SETD5: variants seen among roughly 807,000 people sequenced by gnomAD.
SETD5 encodes histone-lysine N-methyltransferase SETD5.
SETD5 carries 44 observed loss-of-function variants against 153.3 expected under a neutral mutation model. The ratio of observed to expected loss-of-function variants is 0.29; its 90% CI spans 0.23 to 0.37. The LOEUF (loss-of-function observed/expected upper bound fraction) is 0.37, where lower values mean the gene tolerates loss of function less well. Among genes scored for constraint, SETD5 ranks in the 10% least tolerant of loss-of-function variants. SETD5 has a pLI of 1.00. For missense variants in SETD5, 1,544 were observed against 1,768.0 expected (o/e 0.87, Z 2.27); for synonymous variants, 716 against 645.2 (o/e 1.11, Z -1.66).
chr3:9,475,187 T>A (rs1243876436), intron 22 of SETD5, 31 bp downstream of exon 22: 2 of 1,549,514 alleles, frequency 1.3e-6, no homozygotes, highest in Admixed American at 3.9e-5. Flanking sequence ...TCTCTAGCCA[T>A]AGGAGTGTGT....
rs191554155 is a variant in SETD5, at chr3:9,468,377, T to C, written c.2725-2082T>C. 70 of 450,448 alleles carry C rather than the reference T, an allele frequency of 1.6e-4. 1 individual carries two copies. In the Middle Eastern group the frequency reaches 2.2e-3, roughly 14 times the overall value. The allele number at this position is 450,448 out of a possible 1,614,324, so 27.9% of individuals were successfully genotyped here. ...TTGAGATGAGTTCTGCAGTTAAATA[T>C]TTCCCCTATGCATTCTTATTCAACT... On this transcript the variant is annotated intron_variant, in intron 18 of 22. Coordinates refer to ENST00000402198, the MANE Select transcript of SETD5 (RefSeq NM_001080517.3).
intron 1 of SETD5, among the ~76,000 whole-genome samples, chr3:9,416,273 G>A (rs578044427): frequency 2.6e-5 from 4 of 152,220 alleles, no homozygotes; most frequent in African/African-American, 4.8e-5. Context: ...AATGTGAGCC[G>A]TCACTTTTGT....
intron 17 of SETD5, among the ~76,000 whole-genome samples, chr3:9,458,529 G>T (rs1388192355): frequency 6.6e-6 from 1 of 152,126 alleles, no homozygotes; most frequent in Non-Finnish European, 1.5e-5. Flanking sequence ...AGGATGACTT[G>T]AGCCCAAGAA....
At chr3:9,453,539 AT>A (rs1399511072) in intron 16 of SETD5, among the ~76,000 whole-genome samples, 199 bp from the exon 17 acceptor site, 1 of 152,178 alleles carries the variant, frequency 6.6e-6, no homozygotes, top group Non-Finnish European at 1.5e-5. Context: ...TGTAATCCAG[AT>A]TTCCTCAAGT....
At chr3:9,439,674 T>C (rs1039040699) in intron 7 of SETD5, among the ~76,000 whole-genome samples, 2 of 152,224 alleles carry the variant, frequency 1.3e-5, no homozygotes, top group South Asian at 4.1e-4. Context: ...TCCTGAGTTG[T>C]AGTAATCTTT....
At chr3:9,419,403 T>A (rs1001298984) in intron 1 of SETD5, among the ~76,000 whole-genome samples, 2 of 152,012 alleles carry the variant, frequency 1.3e-5, no homozygotes, top group Non-Finnish European at 2.9e-5. Context: ...CACCAATTGG[T>A]ACTTAATAAA....
intron 17 of SETD5, among the ~76,000 whole-genome samples, chr3:9,456,521 A>G (rs764352815): frequency 1.3e-5 from 2 of 151,970 alleles, no homozygotes; most frequent in Non-Finnish European, 2.9e-5. Flanking sequence ...CTCATTTGTA[A>G]AATGGGAATA....
At chr3:9,443,013 C>T (rs1398753158) in intron 10 of SETD5, 3 of 255,460 alleles carry the variant, frequency 1.2e-5, no homozygotes, top group Non-Finnish European at 2.4e-5. Flanking sequence ...CCACTCCAGC[C>T]TGAGCGACAG....
At position 9,433,860 on chromosome 3, in the gene SETD5, G is replaced by A; in HGVS notation, c.87G>A (p.Glu29=). The change falls in exon 4 of 23, where the codon GAG becomes GAA. Residue 29 remains glutamate, a synonymous_variant. Coordinates refer to ENST00000402198, the MANE Select transcript of SETD5 (RefSeq NM_001080517.3). ...CTTTGTGCAGCCCTGAATCTGTGGA[G>A]GCTAGTCCAGCAGTTAATGAGAAGA... ...MAAGSDPESV[E]ASPAVNEKSV... The A allele has an allele frequency of 1.2e-6, 2 of 1,613,844 alleles. No individual in the cohort carries two copies. The highest frequency in any genetic ancestry group is 1.7e-6 in the Non-Finnish European group (2 of 1,179,808).
intron 11 of SETD5, among the ~76,000 whole-genome samples, chr3:9,443,834 G>C (rs1426676888): frequency 2.6e-5 from 4 of 152,184 alleles, no homozygotes; most frequent in Non-Finnish European, 5.9e-5. Context: ...GGAAGGCTGA[G>C]GCGGGCGGAT....
chr3:9,425,007 A>G (rs1355513198), intron 2 of SETD5, among the ~76,000 whole-genome samples: 1 of 151,316 alleles, frequency 6.6e-6, no homozygotes, highest in Non-Finnish European at 1.5e-5. Context: ...CACAAGGAAA[A>G]TGGAATAATT....
chr3:9,454,220 T>G (rs1359781474), intron 17 of SETD5: 1 of 155,290 alleles, frequency 6.4e-6, no homozygotes, highest in African/African-American at 2.4e-5. Context: ...TCTGAGTGAT[T>G]AAGTTGGGTG....
At chr3:9,453,938 T>C in intron 17 of SETD5, 70 bp downstream of exon 17, 2 of 1,408,164 alleles carry the variant, frequency 1.4e-6, no homozygotes, top group Non-Finnish European at 1.9e-6. Flanking sequence ...AATTTAAGTA[T>C]GAGTATTTCT....
intron 13 of SETD5, among the ~76,000 whole-genome samples, chr3:9,446,584 C>T (rs1235233703): frequency 6.6e-6 from 1 of 151,932 alleles, no homozygotes; most frequent in Admixed American, 6.6e-5. Flanking sequence ...TCTCTGCCTC[C>T]CGGGTTCAAG....
At chr3:9,437,124 T>C (rs1232929817) in intron 7 of SETD5, among the ~76,000 whole-genome samples, 2 of 152,170 alleles carry the variant, frequency 1.3e-5, no homozygotes, top group Non-Finnish European at 2.9e-5. Flanking sequence ...CATTCATTGC[T>C]TTCCTAGGGG....
intron 18 of SETD5, 107 bp from the exon 19 acceptor site, chr3:9,470,352 C>T (rs905909215): frequency 2.5e-6 from 2 of 809,240 alleles, no homozygotes; most frequent in Admixed American, 4.5e-5. Flanking sequence ...CTACTTCCGT[C>T]CCTCTTATCT....
chr3:9,419,583 G>C (rs2038070136), intron 1 of SETD5, among the ~76,000 whole-genome samples: 3 of 152,048 alleles, frequency 2.0e-5, no homozygotes, highest in African/African-American at 7.2e-5. Flanking sequence ...AAAACAATTA[G>C]TTATAACTCA....
At chr3:9,421,790 A>G (rs1453227834) in intron 1 of SETD5, among the ~76,000 whole-genome samples, 1 of 152,052 alleles carries the variant, frequency 6.6e-6, no homozygotes, top group Non-Finnish European at 1.5e-5. Flanking sequence ...TTATTGACCT[A>G]TTAAAGATTT....
Position 9,399,899 on chromosome 3 carries a change from TCA to T in SETD5, c.-177+1925_-177+1926del, listed in dbSNP as rs199550272. 4.1e-3 allele frequency among the ~76,000 whole-genome samples: 583 copies of T among 142,566 alleles called. 1 individual carries two copies. The highest frequency in any genetic ancestry group is 7.4e-3 in the Middle Eastern group (2 of 272). The allele number at this position is 142,566 out of a possible 152,430, so 93.5% of individuals were successfully genotyped here. Reference sequence around the variant, plus strand: ...GAGAAGGTTGTTCCTTTGGGTTGGATCACAGGGGTGAGTATACAAGGCAGCAG... The same window carrying T: ...GAGAAGGTTGTTCCTTTGGGTTGGATCAGGGGTGAGTATACAAGGCAGCAG... On this transcript the variant is annotated intron_variant, in intron 1 of 22. Coordinates refer to ENST00000402198, the MANE Select transcript of SETD5 (RefSeq NM_001080517.3).
Sources: allele counts gnomAD v4.1 joint callset (sites outside exome capture counted in the v4.1 genomes callset), GRCh38; gene constraint gnomAD v4.1.1; transcripts MANE v1.5; gene names NCBI Gene and HGNC (gene_info 2026-07-23, HGNC 2026-07-21).